The following H2AZ2 variants were observed in gnomAD, a reference collection of about 807,000 sequenced individuals.
The protein encoded by H2AZ2 is H2A.Z variant histone 2.
A neutral mutation model predicts 15.5 loss-of-function variants in H2AZ2; 5 were observed. That is an observed-to-expected ratio of 0.32 (90% CI 0.17 to 0.68). The LOEUF is 0.68. Among genes scored for constraint, H2AZ2 ranks in the 30% least tolerant of loss-of-function variants. H2AZ2 has a pLI of 0.72. For synonymous variants in H2AZ2, 44 were observed against 57.4 expected, an observed-to-expected ratio of 0.77 and a Z score of 1.05; for missense variants, 42 against 162.5, an observed-to-expected ratio of 0.26 and a Z score of 4.03.
chr7:44,843,462 T>C (rs1007319201), intron 1 of H2AZ2, 108 bp from the exon 2 acceptor site: 1 of 668,784 alleles, frequency 1.5e-6, no homozygotes, highest in Non-Finnish European at 2.6e-6. Flanking sequence ...GTTAACAATA[T>C]GTAGGTGATC....
chr7:44,847,864 A>T, intron 1 of H2AZ2, 105 bp downstream of exon 1: 1 of 1,476,294 alleles, frequency 6.8e-7, no homozygotes, highest in Non-Finnish European at 9.0e-7. Context: ...GACGAAGCCC[A>T]GACACCCGCA....
intron 2 of H2AZ2, among the ~76,000 whole-genome samples, chr7:44,842,917 G>T (rs913738648): frequency 2.0e-5 from 3 of 151,892 alleles, no homozygotes; most frequent in South Asian, 2.1e-4. Flanking sequence ...GAGGCAGGCA[G>T]ATCACGAGGT....
Position 44,846,321 on chromosome 7 carries a change from T to C in H2AZ2, c.3+1648A>G, listed in dbSNP as rs1793404784. Among the ~76,000 whole-genome samples the C allele has an allele frequency of 1.3e-5, 2 of 152,126 alleles. 1 individual carries two copies. Among genetic ancestry groups the C allele is most frequent in the South Asian group, 4.1e-4 (2 of 4,822 alleles). ...GTATCACTAGAGATTGAAAAATATC[T>C]GAAAAACTAGAATTGGCCGTGCGCG... On this transcript the variant is annotated intron_variant, in intron 1 of 4. Coordinates refer to ENST00000308153, the MANE Select transcript of H2AZ2 (RefSeq NM_012412.5).
downstream of H2AZ2, chr7:44,828,503 A>G (rs11770684): frequency 0.75 from 113,420 of 152,086 alleles, 45,184 homozygotes; most frequent in Non-Finnish European, 0.9. Flanking sequence ...TACTATCATC[A>G]CCACTTTAAG....
chr7:44,844,715 G>T (rs755921654), intron 1 of H2AZ2, among the ~76,000 whole-genome samples: 2 of 152,134 alleles, frequency 1.3e-5, no homozygotes, highest in African/African-American at 4.8e-5. Context: ...AGAGGCAGAA[G>T]GCAGTGATGG....
intron 3 of H2AZ2, among the ~76,000 whole-genome samples, chr7:44,839,814 C>T (rs1793227917): frequency 6.6e-6 from 1 of 150,918 alleles, no homozygotes; most frequent in Admixed American, 6.6e-5. Flanking sequence ...ACTGACCTGG[C>T]CAACATGGTG....
exon 5 of H2AZ2, chr7:44,826,926 C>T (rs919320717): frequency 6.6e-6 from 1 of 152,188 alleles, no homozygotes; most frequent in African/African-American, 2.4e-5. Context: ...ATTAAATATA[C>T]TCTGCATTTC....
At chr7:44,830,843 T>C (rs1056734740), downstream of H2AZ2, among the ~76,000 whole-genome samples, 7 of 151,840 alleles carry the variant, frequency 4.6e-5, no homozygotes, top group Non-Finnish European at 8.8e-5. Context: ...ACTACACAAA[T>C]AAACAAACAA....
chr7:44,830,058 T>G, downstream of H2AZ2: 1 of 1,343,636 alleles, frequency 7.4e-7, no homozygotes, highest in Non-Finnish European at 1.1e-6. Context: ...AGTTCCTTGG[T>G]TCAGCTCAGC....
rs1254016862 is a variant in H2AZ2 at position 44,833,279 on chromosome 7, C to T, written c.*1222G>A. On this transcript the variant is annotated 3_prime_UTR_variant, in exon 5 of 5. Coordinates refer to ENST00000308153, the MANE Select transcript of H2AZ2 (RefSeq NM_012412.5). Reference sequence around the variant, plus strand: ...GAGGGAGTCTTGCTCAGTCGCCAAGCTGGAGTGCAGTGGCGCCATCTTGGC... The same window carrying T: ...GAGGGAGTCTTGCTCAGTCGCCAAGTTGGAGTGCAGTGGCGCCATCTTGGC... 2.7e-4 allele frequency among the ~76,000 whole-genome samples: 41 copies of T among 152,138 alleles called. No individual in the cohort carries two copies. The highest frequency in any genetic ancestry group is 2.7e-3 in the Admixed American group (41 of 15,262).
At chr7:44,841,063 C>T (rs1407129677) in intron 2 of H2AZ2, 51 bp from the exon 3 acceptor site, 1 of 1,315,014 alleles carries the variant, frequency 7.6e-7, no homozygotes, top group Non-Finnish European at 1.1e-6. Context: ...TAACATTGCA[C>T]TGACTGTAAT....
At chr7:44,834,742 T>C (rs1160401094) in intron 4 of H2AZ2, among the ~76,000 whole-genome samples, 180 bp from the exon 5 acceptor site, 2 of 152,068 alleles carry the variant, frequency 1.3e-5, no homozygotes, top group East Asian at 3.9e-4. Flanking sequence ...GTATGTAAAA[T>C]TGTGTGACTT....
Position 44,832,325 on chromosome 7 carries a change from T to C in H2AZ2, c.*2176A>G, listed in dbSNP as rs1223427337. Among the ~76,000 whole-genome samples, 1 of 152,170 alleles carries C rather than the reference T, an allele frequency of 6.6e-6. No individual in the cohort carries two copies. The highest frequency in any genetic ancestry group is 2.4e-5 in the African/African-American group (1 of 41,428). On this transcript the variant is annotated 3_prime_UTR_variant, in exon 5 of 5. Coordinates refer to ENST00000308153, the MANE Select transcript of H2AZ2 (RefSeq NM_012412.5). ...AAAAAGTACCCTATCTTTGGAGTTA[T>C]ATTTGAATGTCTCTGATCACACAGA...
chr7:44,843,500 G>A (rs769743208), intron 1 of H2AZ2, 146 bp from the exon 2 acceptor site: 2 of 597,634 alleles, frequency 3.3e-6, no homozygotes, highest in South Asian at 2.2e-5. Flanking sequence ...ATATACATGG[G>A]ATTCTATCAC....
intron 1 of H2AZ2, among the ~76,000 whole-genome samples, chr7:44,846,457 A>C (rs1793409332): frequency 6.6e-6 from 1 of 152,088 alleles, no homozygotes. Context: ...CTCTACTAAA[A>C]ATACAAAAAA....
rs567476309 is a variant in H2AZ2, at chr7:44,833,190, A to G, written c.*1311T>C. ...CAGTGCCCCAAGTAGTTGGGACAACATGTGTGTACCATGCCTGGCTAATTT... is the reference window on the plus strand; with the variant it reads ...CAGTGCCCCAAGTAGTTGGGACAACGTGTGTGTACCATGCCTGGCTAATTT... On this transcript the variant is annotated 3_prime_UTR_variant, in exon 5 of 5. Coordinates refer to ENST00000308153, the MANE Select transcript of H2AZ2 (RefSeq NM_012412.5). 6.6e-6 allele frequency among the ~76,000 whole-genome samples: 1 copy of G among 151,964 alleles called. No individual in the cohort carries two copies. The highest frequency in any genetic ancestry group is 1.9e-4 in the East Asian group (1 of 5,166).
intron 1 of H2AZ2, among the ~76,000 whole-genome samples, chr7:44,846,641 AAAC>A (rs1329588163): frequency 2.6e-5 from 3 of 113,954 alleles, no homozygotes; most frequent in South Asian, 2.8e-4. Flanking sequence ...CACAAAAAAC[AAAC>A]AACAAAAAAC....
chr7:44,843,792 A>G (rs1430852285), intron 1 of H2AZ2, among the ~76,000 whole-genome samples: 1 of 152,136 alleles, frequency 6.6e-6, no homozygotes, highest in Non-Finnish European at 1.5e-5. Context: ...TCCTGACCTC[A>G]AGTGATCCGC....
At chr7:44,830,178 C>A (rs1218710494), downstream of H2AZ2, 1 of 1,612,782 alleles carries the variant, frequency 6.2e-7, no homozygotes, top group African/African-American at 1.3e-5. Flanking sequence ...CAAGAAATAA[C>A]AGGACAAATA....
Sources: gnomAD v4.1 joint callset for allele counts (sites outside exome capture counted in the v4.1 genomes callset) on GRCh38, gnomAD v4.1.1 for gene constraint, MANE v1.5 for transcripts, NCBI Gene and HGNC (gene_info 2026-07-23, HGNC 2026-07-21) for gene names.